CALN1: variants seen among roughly 807,000 people sequenced by gnomAD.
CALN1 encodes calcium-binding protein 8.
Under a neutral mutation model 30.6 loss-of-function variants are expected in CALN1, and 17 were observed. The ratio of observed to expected loss-of-function variants is 0.56; its 90% CI spans 0.38 to 0.83. The LOEUF (loss-of-function observed/expected upper bound fraction) is 0.83. CALN1 is among the 40% of genes least tolerant of loss of function. The pLI, the probability that CALN1 is intolerant of heterozygous loss-of-function variation, is 0.00. For synonymous variants in CALN1, 156 were observed against 131.4 expected, an observed-to-expected ratio of 1.19 and a Z score of -1.28; for missense variants, 291 against 354.9, an observed-to-expected ratio of 0.82 and a Z score of 1.45.
At chr7:72,383,702 C>T (rs900110807) in intron 2 of CALN1, among the ~76,000 whole-genome samples, 2 of 152,032 alleles carry the variant, frequency 1.3e-5, no homozygotes, top group African/African-American at 4.8e-5. Context: ...TTTACAATGA[C>T]GAAGAGAAAC....
the CALN1 span, among the ~76,000 whole-genome samples, chr7:72,458,216 A>ATATATTATATAATATATTC: frequency 5.0e-4 from 45 of 89,836 alleles, 3 homozygotes; most frequent in Non-Finnish European, 7.9e-4. Flanking sequence ...ATATTTTATA[A>ATATATTATATAATATATTC]TATATTATAT....
At chr7:72,367,962 T>TC (rs1405442225) in intron 2 of CALN1, among the ~76,000 whole-genome samples, 2 of 151,426 alleles carry the variant, frequency 1.3e-5, no homozygotes, top group African/African-American at 4.9e-5. Flanking sequence ...TAAAACCCCG[T>TC]CTCTACTAAA....
chr7:72,469,130 C>G, the CALN1 span, among the ~76,000 whole-genome samples: 1 of 152,108 alleles, frequency 6.6e-6, no homozygotes, highest in Non-Finnish European at 1.5e-5. Context: ...CCCACTGGTT[C>G]ACAAAAACCT....
chr7:72,192,092 A>G (rs1462979608), intron 3 of CALN1, among the ~76,000 whole-genome samples: 1 of 152,118 alleles, frequency 6.6e-6, no homozygotes, highest in African/African-American at 2.4e-5. Flanking sequence ...GTCATGTTGC[A>G]TCTTCTCTTT....
At chr7:72,350,693 G>T (rs1460783483) in intron 2 of CALN1, among the ~76,000 whole-genome samples, 4 of 151,776 alleles carry the variant, frequency 2.6e-5, no homozygotes, top group African/African-American at 9.7e-5. Context: ...TTATTACCTG[G>T]GTAATGAAAT....
intron 3 of CALN1, among the ~76,000 whole-genome samples, chr7:72,173,461 T>C (rs1325770485): frequency 6.6e-6 from 1 of 152,284 alleles, no homozygotes; most frequent in South Asian, 2.1e-4. Flanking sequence ...ATTTGGATTC[T>C]AAAATTTACA....
intron 3 of CALN1, among the ~76,000 whole-genome samples, chr7:72,198,965 T>C (rs772558878): frequency 6.6e-6 from 1 of 151,650 alleles, no homozygotes; most frequent in Non-Finnish European, 1.5e-5. Context: ...ATCTGAAGAA[T>C]GAGTAGAGGT....
chr7:71,960,947 G>C (rs1797219985), intron 5 of CALN1, among the ~76,000 whole-genome samples: 1 of 152,160 alleles, frequency 6.6e-6, no homozygotes, highest in Non-Finnish European at 1.5e-5. Context: ...CTCCTGAGTA[G>C]CTGGGATCAC....
intron 2 of CALN1, among the ~76,000 whole-genome samples, chr7:72,398,252 T>C (rs1192280195): frequency 2.0e-5 from 3 of 152,152 alleles, no homozygotes; most frequent in African/African-American, 7.2e-5. Flanking sequence ...CACAAGGAAG[T>C]TTACAGGTCT....
chr7:72,462,178 G>T, the CALN1 span, among the ~76,000 whole-genome samples: 24,906 of 150,048 alleles, frequency 0.17, 2,246 homozygotes, highest in Non-Finnish European at 0.2. Context: ...ATGTATGTAT[G>T]TATTTATTTA....
intron 2 of CALN1, among the ~76,000 whole-genome samples, chr7:72,380,062 G>T (rs752677233): frequency 2.6e-5 from 4 of 152,204 alleles, no homozygotes; most frequent in Non-Finnish European, 4.4e-5. Flanking sequence ...CATAGTATGT[G>T]AAGAGCAGTG....
At chr7:72,392,909 G>A (rs966314845) in intron 2 of CALN1, among the ~76,000 whole-genome samples, 2 of 152,114 alleles carry the variant, frequency 1.3e-5, no homozygotes, top group Admixed American at 6.5e-5. Context: ...TGAGGTGGGA[G>A]AACTGTTTGA....
intron 3 of CALN1, among the ~76,000 whole-genome samples, chr7:72,147,443 G>A (rs1425703636): frequency 6.8e-6 from 1 of 146,486 alleles, no homozygotes; most frequent in African/African-American, 2.6e-5. Flanking sequence ...TTAGAATGGT[G>A]ATCATTAAAA....
At chr7:71,965,094 C>T (rs111645121) in intron 5 of CALN1, among the ~76,000 whole-genome samples, 1 of 152,296 alleles carries the variant, frequency 6.6e-6, no homozygotes, top group African/African-American at 2.4e-5. Context: ...GTGGTGCCAT[C>T]GTAGCTCACT....
In CALN1 at chr7:72,000,940, TGTTAA is replaced by T. The variant is rs149169058; in HGVS notation, c.501+22712_501+22716del. Among the ~76,000 whole-genome samples the T allele has an allele frequency of 8.1e-3, 1,235 of 152,332 alleles. 20 individuals are homozygous for T. Among genetic ancestry groups the T allele is most frequent in the African/African-American group, 0.028 (1,168 of 41,576 alleles). The stretch of plus-strand genomic sequence containing the variant: ...GACCATCAGGTGATGGGCAGGTAGT[TGTTAA>T]GTTGTCTCTCTAAAATAGTAATTGG... On this transcript the variant is annotated intron_variant, in intron 5 of 6. Transcript: ENST00000395275.
chr7:72,211,909 G>A (rs571693075), intron 3 of CALN1, among the ~76,000 whole-genome samples: 14 of 152,218 alleles, frequency 9.2e-5, no homozygotes, highest in Non-Finnish European at 1.0e-4. Context: ...CTCTTGGCAC[G>A]TTTTCTGGCC....
upstream of CALN1, among the ~76,000 whole-genome samples, chr7:72,451,209 AAGGAGGAGGAGGAGGAGGAGGAGG>A (rs546106123): frequency 7.9e-6 from 1 of 126,046 alleles, no homozygotes; most frequent in Non-Finnish European, 1.6e-5. Flanking sequence ...GAAGAAGAAG[AAGGAGGAGGAGGAGGAGGAGGAGG>A]AGAAGGAGGA....
intron 2 of CALN1, among the ~76,000 whole-genome samples, chr7:72,304,588 A>G (rs1799520246): frequency 2.0e-5 from 3 of 152,106 alleles, no homozygotes; most frequent in African/African-American, 4.8e-5. Flanking sequence ...TGCCTCTGAC[A>G]TGGGGGGGGT....
At chr7:72,237,959 A>C (rs1794580902) in intron 3 of CALN1, among the ~76,000 whole-genome samples, 1 of 152,220 alleles carries the variant, frequency 6.6e-6, no homozygotes, top group Non-Finnish European at 1.5e-5. Context: ...GGGTTTTGGC[A>C]AGTTGATGAA....
Sources: gnomAD v4.1 joint callset for allele counts (sites outside exome capture counted in the v4.1 genomes callset) on GRCh38, gnomAD v4.1.1 for gene constraint, MANE v1.5 for transcripts, NCBI Gene and HGNC (gene_info 2026-07-23, HGNC 2026-07-21) for gene names.